The following INPP4A variants were observed in gnomAD, a reference collection of about 807,000 sequenced individuals.
INPP4A encodes inositol polyphosphate-4-phosphatase type I A, also known as inositol polyphosphate-4-phosphatase, type I, 107kD.
INPP4A carries 33 observed loss-of-function variants against 119.8 expected under a neutral mutation model. The observed-to-expected ratio is 0.28, with a 90% confidence interval of 0.21 to 0.37. The LOEUF (loss-of-function observed/expected upper bound fraction) is 0.37, where lower values mean the gene tolerates loss of function less well. Among genes scored for constraint, INPP4A ranks in the 10% least tolerant of loss-of-function variants. The pLI is 1.00. For missense variants in INPP4A, 956 were observed against 1,289.9 expected, an observed-to-expected ratio of 0.74 and a Z score of 3.97; for synonymous variants, 496 against 500.7, an observed-to-expected ratio of 0.99 and a Z score of 0.12.
chr2:98,536,281 A>G, intron 7 of INPP4A, 73 bp downstream of exon 7: 1 of 877,436 alleles, frequency 1.1e-6, no homozygotes, highest in East Asian at 2.6e-5. Context: ...GAAAGGACCC[A>G]CTTCTTATAC....
chr2:98,481,398 C>T (rs1474650035), intron 1 of INPP4A, among the ~76,000 whole-genome samples: 3 of 152,132 alleles, frequency 2.0e-5, no homozygotes, highest in Non-Finnish European at 4.4e-5. Flanking sequence ...ATAAATCGAC[C>T]ACTCTTGGCA....
intron 24 of INPP4A, among the ~76,000 whole-genome samples, chr2:98,586,355 G>A (rs531400575): frequency 7.3e-5 from 11 of 150,912 alleles, no homozygotes; most frequent in South Asian, 6.3e-4. Context: ...TTTTAAATGC[G>A]TGACATAATG....
At chr2:98,499,878 G>T (rs1209154986) in intron 1 of INPP4A, among the ~76,000 whole-genome samples, 1 of 152,202 alleles carries the variant, frequency 6.6e-6, no homozygotes, top group Non-Finnish European at 1.5e-5. Context: ...TGGTAGGGGA[G>T]GGTGCAAGTG....
intron 1 of INPP4A, among the ~76,000 whole-genome samples, chr2:98,462,530 A>G (rs1395586554): frequency 6.6e-6 from 1 of 151,136 alleles, no homozygotes; most frequent in Non-Finnish European, 1.5e-5. Context: ...TTTAATTATT[A>G]TTGTTTTTTT....
chr2:98,501,282 C>T (rs372948135), intron 1 of INPP4A, among the ~76,000 whole-genome samples: 13 of 152,090 alleles, frequency 8.5e-5, no homozygotes, highest in African/African-American at 2.4e-4. Context: ...TGCAGTGAGT[C>T]GGGATTGTGC....
At chr2:98,571,288 G>A (rs1697393021) in intron 22 of INPP4A, among the ~76,000 whole-genome samples, 1 of 152,204 alleles carries the variant, frequency 6.6e-6, no homozygotes, top group Admixed American at 6.5e-5. Flanking sequence ...AGGCATGGAG[G>A]GCAAGTCTCC....
chr2:98,541,646 A>G (rs1006522412), intron 10 of INPP4A, among the ~76,000 whole-genome samples: 3 of 152,240 alleles, frequency 2.0e-5, no homozygotes, highest in Non-Finnish European at 4.4e-5. Flanking sequence ...CAGTGGCACC[A>G]TCATAGCTCA....
intron 4 of INPP4A, among the ~76,000 whole-genome samples, chr2:98,522,239 A>T (rs895260849): frequency 5.3e-5 from 8 of 150,370 alleles, no homozygotes; most frequent in African/African-American, 2.0e-4. Context: ...GTGAGCCGAG[A>T]TTGCACCATT....
At chr2:98,459,145 T>C (rs1435661639) in intron 1 of INPP4A, among the ~76,000 whole-genome samples, 1 of 152,224 alleles carries the variant, frequency 6.6e-6, no homozygotes, top group Non-Finnish European at 1.5e-5. Context: ...ACAAGATGGA[T>C]AGTTCAGGTC....
chr2:98,559,968 C>T (rs1290640089), intron 17 of INPP4A, among the ~76,000 whole-genome samples: 2 of 152,252 alleles, frequency 1.3e-5, no homozygotes, highest in Non-Finnish European at 2.9e-5. Context: ...ATCTTGTCCA[C>T]AGTCTGCTCT....
chr2:98,587,713 G>T lies in INPP4A; in HGVS notation c.*105G>T. The T allele has an allele frequency of 9.8e-7, 1 of 1,022,168 alleles. No homozygotes were observed. Among genetic ancestry groups the T allele is most frequent in the South Asian group, 1.8e-5 (1 of 55,052 alleles). The allele number at this position is 1,022,168 out of a possible 1,614,324, so 63.3% of individuals were successfully genotyped here. On this transcript the variant is annotated 3_prime_UTR_variant, in exon 25 of 25. Transcript: ENST00000409851. ...CCTGAAGGATTGGTTTTTATTTTTT[G>T]TGGTTTTTTTAAAAAAAACATTTCA...
At position 98,445,065 on chromosome 2, in the gene INPP4A, C is replaced by G. The variant is rs1411394455; in HGVS notation, c.-186C>G. ...CGGCGGGACAGCGGGGCGGCTGGCG[C>G]CGGGGGCCGGGGAGCGCCAGGTAGG... On this transcript the variant is annotated 5_prime_UTR_variant, in exon 1 of 25. Coordinates refer to ENST00000409851, the MANE Select transcript of INPP4A (RefSeq NM_001134225.2). 1.3e-5 allele frequency: 2 copies of G among 148,624 alleles called. No homozygotes were observed. Among genetic ancestry groups the G allele is most frequent in the African/African-American group, 4.9e-5 (2 of 40,886 alleles). The allele number at this position is 148,624 out of a possible 1,614,324, so 9.2% of individuals were successfully genotyped here.
chr2:98,564,800 C>T (rs561649751), intron 19 of INPP4A, 37 bp downstream of exon 19: 23 of 1,539,894 alleles, frequency 1.5e-5, no homozygotes, highest in Middle Eastern at 1.7e-4. Context: ...GCCCCACTTG[C>T]GTGTGTGGTT....
At chr2:98,478,755 C>G (rs531272828) in intron 1 of INPP4A, among the ~76,000 whole-genome samples, 11 of 152,282 alleles carry the variant, frequency 7.2e-5, no homozygotes, top group African/African-American at 2.4e-4. Context: ...AGGTATGTGT[C>G]TGTCCTATTC....
chr2:98,539,747 GGGCAGAGCACT>G, intron 10 of INPP4A, 72 bp downstream of exon 10: 1 of 1,474,272 alleles, frequency 6.8e-7, no homozygotes, highest in African/African-American at 1.4e-5. Flanking sequence ...GAGATATAGC[GGGCAGAGCACT>G]GGCATCAGAT....
chr2:98,581,672 T>C, intron 24 of INPP4A: 1 of 1,608,162 alleles, frequency 6.2e-7, no homozygotes, highest in Non-Finnish European at 8.5e-7. Context: ...GTTCCATCCC[T>C]TTATTAGCTC....
chr2:98,523,196 G>C (rs1687544484), intron 4 of INPP4A, among the ~76,000 whole-genome samples: 1 of 152,190 alleles, frequency 6.6e-6, no homozygotes, highest in East Asian at 1.9e-4. Flanking sequence ...TATGGAGAGA[G>C]AATGACAGTT....
At chr2:98,522,158 G>A (rs866352577) in intron 4 of INPP4A, among the ~76,000 whole-genome samples, 14 of 151,684 alleles carry the variant, frequency 9.2e-5, no homozygotes, top group South Asian at 6.3e-4. Flanking sequence ...ATGATGGTGC[G>A]TGCCTGTAAT....
At chr2:98,475,976 TA>T (rs1456123016) in intron 1 of INPP4A, among the ~76,000 whole-genome samples, 2 of 152,362 alleles carry the variant, frequency 1.3e-5, no homozygotes, top group Non-Finnish European at 2.9e-5. Context: ...CACCCACAGG[TA>T]ATCCAGATTT....
Sources: allele counts gnomAD v4.1 joint callset (sites outside exome capture counted in the v4.1 genomes callset), GRCh38; gene constraint gnomAD v4.1.1; transcripts MANE v1.5; gene names NCBI Gene and HGNC (gene_info 2026-07-23, HGNC 2026-07-21).